MYO3B: variants seen among roughly 807,000 people sequenced by gnomAD.
The protein encoded by MYO3B is myosin IIIB, also known as myosin-IIIb.
MYO3B carries 156 observed loss-of-function variants against 174.6 expected under a neutral mutation model. The observed-to-expected ratio is 0.89, with a 90% CI of 0.78 to 1.02. The LOEUF (loss-of-function observed/expected upper bound fraction) is 1.02. MYO3B is among the 50% of genes least tolerant of loss of function. The probability of loss-of-function intolerance (pLI) is 0.00; values close to 1 mark genes in which losing one functional copy is unlikely to be tolerated. For synonymous variants in MYO3B, 563 were observed against 569.1 expected (o/e 0.99, Z 0.15); for missense variants, 1,632 against 1,639.4 (o/e 1.00, Z 0.08).
chr2:170,310,999 A>T (rs1186472354), intron 7 of MYO3B, among the ~76,000 whole-genome samples: 1 of 152,140 alleles, frequency 6.6e-6, no homozygotes, highest in African/African-American at 2.4e-5. Flanking sequence ...GTCCATTCAG[A>T]TGGTTGCGGG....
At chr2:170,619,003 C>G (rs1214007156) in intron 32 of MYO3B, among the ~76,000 whole-genome samples, 1 of 152,144 alleles carries the variant, frequency 6.6e-6, no homozygotes, top group Admixed American at 6.5e-5. Context: ...GCAACAAAAG[C>G]TGGTTACAAA....
rs1245397518 is a variant in MYO3B, at chr2:170,346,907, G to A, written c.815+11457G>A. On this transcript the variant is annotated intron_variant, in intron 8 of 34. Coordinates refer to ENST00000408978, the MANE Select transcript of MYO3B (RefSeq NM_138995.5). ...GGATAGAGCATCATGATCGCTTAGT[G>A]ACATTTACTATGGGTCTGAACTGGA... Among the ~76,000 whole-genome samples the A allele has an allele frequency of 3.3e-5, 5 of 152,182 alleles. No homozygotes were observed. The South Asian group carries it at 8.3e-4, about 25-fold the overall frequency.
intron 25 of MYO3B, among the ~76,000 whole-genome samples, chr2:170,476,284 T>C (rs1685316723): frequency 6.6e-6 from 1 of 150,886 alleles, no homozygotes; most frequent in African/African-American, 2.4e-5. Flanking sequence ...GTGCACTCTT[T>C]CAGCTTTGCT....
Position 170,443,990 on chromosome 2 carries a change from A to G in MYO3B, c.2674A>G (p.Arg892Gly). 6.2e-7 allele frequency: 1 copy of G among 1,612,862 alleles called. No individual in the cohort carries two copies. The highest frequency in any genetic ancestry group is 8.5e-7 in the Non-Finnish European group (1 of 1,179,112). ...AGGTAATTTGGCCCAGACAAGAGCTAGGATAACAGTGGCCTCAAGTTCTTT... is the reference window on the plus strand; with the variant it reads ...AGGTAATTTGGCCCAGACAAGAGCTGGGATAACAGTGGCCTCAAGTTCTTT... Reference protein sequence around the residue: ...KTGNLAQTRARITVASSSLPP... With the variant: ...KTGNLAQTRAGITVASSSLPP... Residue 892 changes from arginine (R) to glycine (G), a missense_variant, in exon 23 of 35, where the codon AGG becomes GGG. By Grantham distance (125) the Arg-to-Gly change is moderately radical. Coordinates refer to ENST00000408978, the MANE Select transcript of MYO3B (RefSeq NM_138995.5).
intron 25 of MYO3B, among the ~76,000 whole-genome samples, chr2:170,492,621 T>C (rs1405211787): frequency 6.6e-6 from 1 of 152,218 alleles, no homozygotes; most frequent in Non-Finnish European, 1.5e-5. Context: ...CTTTCAGAAA[T>C]ACAGAGCTCA....
At chr2:170,651,229 A>C (rs1698990683) in intron 32 of MYO3B, among the ~76,000 whole-genome samples, 4 of 152,176 alleles carry the variant, frequency 2.6e-5, no homozygotes, top group Non-Finnish European at 4.4e-5. Context: ...TGTGCTCCAG[A>C]TGTTTTTGAA....
At chr2:170,300,232 C>T (rs891407316) in intron 7 of MYO3B, among the ~76,000 whole-genome samples, 1 of 152,142 alleles carries the variant, frequency 6.6e-6, no homozygotes, top group African/African-American at 2.4e-5. Flanking sequence ...GGAAATAACA[C>T]ATGACATTTC....
chr2:170,386,303 C>G (rs773117920), intron 13 of MYO3B, 31 bp downstream of exon 13: 1 of 1,566,498 alleles, frequency 6.4e-7, no homozygotes, highest in Non-Finnish European at 8.8e-7. Context: ...CGTATTGTGG[C>G]GAGAAGTTCC....
intron 32 of MYO3B, among the ~76,000 whole-genome samples, chr2:170,577,247 A>G (rs1692841123): frequency 6.6e-6 from 1 of 152,254 alleles, no homozygotes; most frequent in Admixed American, 6.5e-5. Flanking sequence ...TTAAAAATCC[A>G]GAGTGGATCG....
Position 170,543,991 on chromosome 2 carries a change from A to G in MYO3B, c.3733+3A>G. Reference sequence around the variant, plus strand: ...CTGGGGAGCCCCTCAAAAGCCTGGTAAGAAGAACGTTTTGAATTGCATGCG... The same window carrying G: ...CTGGGGAGCCCCTCAAAAGCCTGGTGAGAAGAACGTTTTGAATTGCATGCG... On this transcript the variant is annotated splice_donor_region_variant and intron_variant, in intron 32 of 34. Coordinates refer to ENST00000408978, the MANE Select transcript of MYO3B (RefSeq NM_138995.5). 2 of 1,608,148 alleles carry G rather than the reference A, an allele frequency of 1.2e-6. No homozygotes were observed. The highest frequency in any genetic ancestry group is 1.7e-6 in the Non-Finnish European group (2 of 1,175,208).
At chr2:170,652,586 CATTT>C (rs1439745074) in intron 34 of MYO3B, among the ~76,000 whole-genome samples, 3 of 152,152 alleles carry the variant, frequency 2.0e-5, no homozygotes, top group African/African-American at 7.2e-5. Context: ...ATTTGTCGTT[CATTT>C]GATAGTTAGC....
chr2:170,643,978 T>G (rs1698175663), intron 32 of MYO3B: 1 of 152,182 alleles, frequency 6.6e-6, no homozygotes. Context: ...AACATTAAGT[T>G]TTAGAGGACA....
At chr2:170,627,224 C>A (rs905143525) in intron 32 of MYO3B, among the ~76,000 whole-genome samples, 1 of 152,122 alleles carries the variant, frequency 6.6e-6, no homozygotes, top group Non-Finnish European at 1.5e-5. Context: ...ACATAGTCCC[C>A]TATTTCTTGG....
intron 32 of MYO3B, among the ~76,000 whole-genome samples, chr2:170,648,428 G>A (rs980012423): frequency 1.1e-4 from 17 of 151,912 alleles, no homozygotes; most frequent in African/African-American, 4.1e-4. Context: ...TCAGGAGTTC[G>A]AGACCAGGCT....
intron 6 of MYO3B, among the ~76,000 whole-genome samples, chr2:170,220,379 C>T (rs2092882407): frequency 6.6e-6 from 1 of 151,852 alleles, no homozygotes; most frequent in Non-Finnish European, 1.5e-5. Context: ...GCCTGTAATC[C>T]CAGCACTTTG....
intron 32 of MYO3B, among the ~76,000 whole-genome samples, chr2:170,586,327 C>T (rs1693495993): frequency 6.6e-6 from 1 of 152,168 alleles, no homozygotes; most frequent in Non-Finnish European, 1.5e-5. Flanking sequence ...CTGCACTAGA[C>T]TCAACAGAAA....
intron 8 of MYO3B, among the ~76,000 whole-genome samples, chr2:170,358,039 C>G (rs527740142): frequency 6.6e-6 from 1 of 152,068 alleles, no homozygotes; most frequent in Admixed American, 6.5e-5. Flanking sequence ...GTAATCCCAG[C>G]TACTCCGGAG....
intron 7 of MYO3B, among the ~76,000 whole-genome samples, chr2:170,282,163 C>T (rs1046384367): frequency 6.6e-6 from 1 of 152,146 alleles, no homozygotes; most frequent in African/African-American, 2.4e-5. Flanking sequence ...GGGTTTTAGT[C>T]ATAAAATCTT....
At chr2:170,228,375 A>C (rs563003292) in intron 6 of MYO3B, among the ~76,000 whole-genome samples, 1 of 152,274 alleles carries the variant, frequency 6.6e-6, no homozygotes, top group South Asian at 2.1e-4. Flanking sequence ...AGGTCCTTTC[A>C]TTGTCCATCT....
Sources: allele counts gnomAD v4.1 joint callset (sites outside exome capture counted in the v4.1 genomes callset), GRCh38; gene constraint gnomAD v4.1.1; transcripts MANE v1.5; gene names NCBI Gene and HGNC (gene_info 2026-07-23, HGNC 2026-07-21).